HS3ST5: variants seen among roughly 807,000 people sequenced by gnomAD.
The protein encoded by HS3ST5 is heparan sulfate glucosamine 3-O-sulfotransferase 5.
Under a neutral mutation model 25.4 loss-of-function variants are expected in HS3ST5, and 10 were observed. That is an observed-to-expected ratio of 0.39 (90% confidence interval 0.24 to 0.67). The LOEUF is 0.67. Ranked by LOEUF, HS3ST5 falls within the 30% of genes least tolerant of loss-of-function variation. The probability of loss-of-function intolerance (pLI) is 0.44; values close to 1 mark genes in which losing one functional copy is unlikely to be tolerated. For synonymous variants in HS3ST5, 170 were observed against 162.4 expected (o/e 1.05, Z -0.36); for missense variants, 324 against 420.7 (o/e 0.77, Z 2.01).
intron 3 of HS3ST5, among the ~76,000 whole-genome samples, chr6:114,138,565 T>A (rs1777750124): frequency 1.3e-5 from 2 of 152,148 alleles, no homozygotes; most frequent in South Asian, 4.1e-4. Context: ...TATATACACT[T>A]TAGTTTCCTT....
chr6:114,325,313 G>A (rs776714252), intron 1 of HS3ST5, among the ~76,000 whole-genome samples: 1 of 152,148 alleles, frequency 6.6e-6, no homozygotes, highest in African/African-American at 2.4e-5. Context: ...TAGGCTTTAT[G>A]GAAAAGGCTG....
At chr6:114,271,151 G>A (rs2114701638) in intron 1 of HS3ST5, among the ~76,000 whole-genome samples, 1 of 152,140 alleles carries the variant, frequency 6.6e-6, no homozygotes, top group East Asian at 1.9e-4. Flanking sequence ...AGGTCTAATT[G>A]TTACAAAGTT....
intron 1 of HS3ST5, among the ~76,000 whole-genome samples, chr6:114,315,770 T>G (rs946297674): frequency 2.6e-5 from 4 of 152,232 alleles, no homozygotes; most frequent in African/African-American, 7.2e-5. Context: ...AGATACCATA[T>G]GTACACTAAG....
At chr6:114,160,089 T>TA (rs533623968) in intron 3 of HS3ST5, among the ~76,000 whole-genome samples, 52 of 152,270 alleles carry the variant, frequency 3.4e-4, no homozygotes, top group African/African-American at 1.2e-3. Context: ...GTGACAGGAA[T>TA]AAAAAGATTG....
intron 3 of HS3ST5, among the ~76,000 whole-genome samples, chr6:114,081,523 TACTC>T (rs1207842696): frequency 2.0e-5 from 3 of 152,308 alleles, no homozygotes; most frequent in Non-Finnish European, 4.4e-5. Context: ...TTAATAGTCT[TACTC>T]TCTCTGGATG....
At chr6:114,325,602 A>G (rs1186413713) in intron 1 of HS3ST5, among the ~76,000 whole-genome samples, 3 of 152,168 alleles carry the variant, frequency 2.0e-5, no homozygotes, top group African/African-American at 7.2e-5. Context: ...TTCCCTGCTA[A>G]ACTAGTGTTT....
At chr6:114,250,560 G>A (rs891566590) in intron 1 of HS3ST5, among the ~76,000 whole-genome samples, 12 of 147,014 alleles carry the variant, frequency 8.2e-5, no homozygotes, top group African/African-American at 1.3e-4. Flanking sequence ...CAGCCTGGGT[G>A]ACAGAGCGAG....
At chr6:114,120,265 C>T (rs1316364950) in intron 3 of HS3ST5, among the ~76,000 whole-genome samples, 1 of 152,128 alleles carries the variant, frequency 6.6e-6, no homozygotes, top group Non-Finnish European at 1.5e-5. Flanking sequence ...TATGACTGTA[C>T]CTTTACCTGA....
chr6:114,071,107 C>T (rs1332215616), intron 3 of HS3ST5, among the ~76,000 whole-genome samples: 2 of 152,330 alleles, frequency 1.3e-5, no homozygotes, highest in East Asian at 3.9e-4. Context: ...CTGCAATACA[C>T]AGAACAACTT....
intron 1 of HS3ST5, among the ~76,000 whole-genome samples, chr6:114,305,148 T>C (rs751316457): frequency 3.3e-5 from 5 of 152,120 alleles, no homozygotes; most frequent in Non-Finnish European, 5.9e-5. Context: ...TTTGAAAATA[T>C]TGCACTGAGT....
At chr6:114,198,249 T>C (rs928070143) in intron 2 of HS3ST5, among the ~76,000 whole-genome samples, 3 of 151,986 alleles carry the variant, frequency 2.0e-5, no homozygotes, top group Admixed American at 2.0e-4. Context: ...GAAAAAGGAA[T>C]CTTTAAAAAA....
chr6:114,075,967 C>T (rs541144706), intron 3 of HS3ST5, among the ~76,000 whole-genome samples: 70 of 152,252 alleles, frequency 4.6e-4, no homozygotes, highest in Non-Finnish European at 8.7e-4. Flanking sequence ...ATAACCATAG[C>T]AGAGTATGTG....
intron 2 of HS3ST5, among the ~76,000 whole-genome samples, chr6:114,210,165 A>G (rs1781450170): frequency 6.6e-6 from 1 of 152,244 alleles, no homozygotes; most frequent in African/African-American, 2.4e-5. Flanking sequence ...AGTAGTAATT[A>G]CAAACTGAAA....
chr6:114,197,632 C>T (rs1780825827), intron 2 of HS3ST5, among the ~76,000 whole-genome samples: 1 of 152,060 alleles, frequency 6.6e-6, no homozygotes, highest in Non-Finnish European at 1.5e-5. Context: ...TGCCCACTCC[C>T]TCCCTCCCTC....
intron 3 of HS3ST5, among the ~76,000 whole-genome samples, chr6:114,103,557 T>G (rs1775834099): frequency 6.6e-6 from 1 of 152,090 alleles, no homozygotes; most frequent in Non-Finnish European, 1.5e-5. Flanking sequence ...GTTGATTGAC[T>G]ATATTCCTTT....
At chr6:114,321,322 C>T (rs148941188) in intron 1 of HS3ST5, among the ~76,000 whole-genome samples, 96 of 152,112 alleles carry the variant, frequency 6.3e-4, no homozygotes, top group African/African-American at 2.3e-3. Context: ...CTGAAATTTC[C>T]TGTCCTCTTT....
At chr6:114,227,124 A>G (rs1004871110) in intron 2 of HS3ST5, among the ~76,000 whole-genome samples, 2 of 151,712 alleles carry the variant, frequency 1.3e-5, no homozygotes, top group African/African-American at 4.8e-5. Flanking sequence ...AATACTGCAA[A>G]TTTTTAATTT....
At chr6:114,126,865 TGA>T (rs1172534693) in intron 3 of HS3ST5, among the ~76,000 whole-genome samples, 4 of 152,164 alleles carry the variant, frequency 2.6e-5, no homozygotes, top group African/African-American at 9.7e-5. Context: ...CAGGAAGCCA[TGA>T]GCAGTGAAAC....
intron 1 of HS3ST5, among the ~76,000 whole-genome samples, chr6:114,340,300 T>C (rs760999280): frequency 2.0e-5 from 3 of 152,268 alleles, no homozygotes; most frequent in Non-Finnish European, 4.4e-5. Context: ...ATTTCCCATG[T>C]AATTTGCTTA....
Sources: allele counts gnomAD v4.1 joint callset (sites outside exome capture counted in the v4.1 genomes callset), GRCh38; gene constraint gnomAD v4.1.1; transcripts MANE v1.5; gene names NCBI Gene and HGNC (gene_info 2026-07-23, HGNC 2026-07-21).